Variants in ATP5F1A observed in about 807,000 individuals in gnomAD.
ATP5F1A encodes the protein ATP synthase F1 subunit alpha, also known as ATP synthase F(1) complex subunit alpha, mitochondrial.
ATP5F1A carries 24 observed loss-of-function variants against 57.4 expected under a neutral mutation model. The observed-to-expected ratio is 0.42, with a 90% confidence interval of 0.30 to 0.59. ATP5F1A has a LOEUF of 0.59. ATP5F1A is among the 20% of genes least tolerant of loss of function. The pLI is 0.19. For missense variants in ATP5F1A, 494 were observed against 707.9 expected (o/e 0.70, Z 3.43); for synonymous variants, 251 against 255.5 (o/e 0.98, Z 0.17).
intron 1 of ATP5F1A, chr18:46,097,805 G>C: frequency 9.4e-7 from 1 of 1,069,154 alleles, no homozygotes; most frequent in Non-Finnish European, 1.1e-6. Flanking sequence ...AGCGGGACGC[G>C]ACCCTAAGAA....
intron 10 of ATP5F1A, chr18:46,085,817 G>A (rs1054243420): frequency 7.5e-5 from 23 of 305,542 alleles, no homozygotes; most frequent in African/African-American, 2.2e-4. Context: ...CCTGTAATCC[G>A]AGCTACTAAG....
Position 46,082,227 on chromosome 18 carries a change from CA to C in ATP5F1A, c.*2054del, listed in dbSNP as rs34123568. The C allele has an allele frequency of 6.7e-4, 94 of 140,784 alleles. No homozygotes were observed. The highest frequency in any genetic ancestry group is 3.6e-3 in the Middle Eastern group (1 of 278). 8.7% of individuals were successfully genotyped at this position (140,784 alleles called of 1,614,324 possible). Reference sequence around the variant, plus strand: ...TGAAACCCCGTCTCTACTAAAAATACAAAAAAAAAAAAATTAGCTGGGCGTG... The same window carrying C: ...TGAAACCCCGTCTCTACTAAAAATACAAAAAAAAAAAATTAGCTGGGCGTG... On this transcript the variant is annotated 3_prime_UTR_variant, in exon 12 of 12. Transcript: ENST00000398752.
At chr18:46,094,972 C>A in intron 2 of ATP5F1A, 81 bp downstream of exon 2, 3 of 1,437,674 alleles carry the variant, frequency 2.1e-6, no homozygotes, top group East Asian at 2.4e-5. Context: ...AAATGAAAAA[C>A]AACTCACCAC....
intron 1 of ATP5F1A, 71 bp downstream of exon 1, chr18:46,098,101 G>A (rs774271583): frequency 1.4e-5 from 22 of 1,524,208 alleles, no homozygotes; most frequent in Non-Finnish European, 1.8e-5. Context: ...TGCAGAGAGC[G>A]CCCGAGCCGG....
chr18:46,086,813 C>G, intron 8 of ATP5F1A, 195 bp downstream of exon 8: 1 of 648,498 alleles, frequency 1.5e-6, no homozygotes, highest in East Asian at 2.7e-5. Flanking sequence ...AAACATGCTA[C>G]TCTATGCAAT....
intron 2 of ATP5F1A, among the ~76,000 whole-genome samples, chr18:46,092,613 A>C (rs1467806129): frequency 1.1e-5 from 1 of 93,968 alleles, no homozygotes; most frequent in Non-Finnish European, 2.4e-5. Context: ...CACACACACA[A>C]AAATTATATA....
At chr18:46,094,892 T>G (rs1039252776) in intron 2 of ATP5F1A, 161 bp downstream of exon 2, 2 of 1,132,550 alleles carry the variant, frequency 1.8e-6, no homozygotes, top group African/African-American at 3.2e-5. Flanking sequence ...AAGAGAACCA[T>G]GACAGGGCTA....
In ATP5F1A at chr18:46,080,476, T is replaced by A. The variant is rs1453473745; in HGVS notation, c.*3806A>T. On this transcript the variant is annotated 3_prime_UTR_variant, in exon 12 of 12. Transcript: ENST00000398752. The stretch of plus-strand genomic sequence containing the variant: ...GGTGCCTATGAGGTCTCCTATGTCA[T>A]TAGTCTGTAAGTACTTAGTAAAAAG... 1 of 152,230 alleles carries A rather than the reference T, an allele frequency of 6.6e-6. No individual in the cohort carries two copies. The highest frequency in any genetic ancestry group is 1.9e-4 in the East Asian group (1 of 5,202). 9.4% of individuals were successfully genotyped at this position (152,230 alleles called of 1,614,324 possible).
chr18:46,087,657 A>T (rs1288789119), intron 6 of ATP5F1A, 165 bp from the exon 7 acceptor site: 3 of 747,594 alleles, frequency 4.0e-6, no homozygotes, highest in Non-Finnish European at 6.4e-6. Context: ...TAGGCGGGTG[A>T]TCACCTGAGG....
chr18:46,094,470 C>T (rs565667579), intron 2 of ATP5F1A, among the ~76,000 whole-genome samples: 1 of 152,194 alleles, frequency 6.6e-6, no homozygotes, highest in South Asian at 2.1e-4. Context: ...AGATCGAGAC[C>T]ATCCTGGCCA....
rs566710356 is a variant in ATP5F1A, at chr18:46,081,180, C to T, written c.*3102G>A. The T allele has an allele frequency of 6.3e-5, 9 of 143,502 alleles. No individual in the cohort carries two copies. Among genetic ancestry groups the T allele is most frequent in the African/African-American group, 1.8e-4 (7 of 38,888 alleles). 8.9% of individuals were successfully genotyped at this position (143,502 alleles called of 1,614,324 possible). Reference sequence around the variant, plus strand: ...CTCATCAGACCAGACCAGTAGTTAACATTTGGAATTTGATTTATAATGGAC... The same window carrying T: ...CTCATCAGACCAGACCAGTAGTTAATATTTGGAATTTGATTTATAATGGAC... On this transcript the variant is annotated 3_prime_UTR_variant, in exon 12 of 12. Coordinates refer to ENST00000398752, the MANE Select transcript of ATP5F1A (RefSeq NM_004046.6).
chr18:46,095,283 T>C (rs1910859271), intron 1 of ATP5F1A, 152 bp from the exon 2 acceptor site: 2 of 667,192 alleles, frequency 3.0e-6, no homozygotes, highest in Non-Finnish European at 5.0e-6. Flanking sequence ...AATGGGAAAG[T>C]AGCTTTTGAT....
At chr18:46,102,952 TA>T (rs1911323718), upstream of ATP5F1A, among the ~76,000 whole-genome samples, 2 of 151,844 alleles carry the variant, frequency 1.3e-5, no homozygotes, top group Admixed American at 6.6e-5. Context: ...TCTCTAAAAA[TA>T]AAATAAAATA....
chr18:46,089,404 G>T, intron 5 of ATP5F1A, 162 bp downstream of exon 5: 1 of 785,318 alleles, frequency 1.3e-6, no homozygotes, highest in South Asian at 1.8e-5. Flanking sequence ...ACCCACAGGT[G>T]TGGAGGGGCT....
chr18:46,095,765 C>A (rs1910901437), intron 1 of ATP5F1A, among the ~76,000 whole-genome samples: 1 of 151,876 alleles, frequency 6.6e-6, no homozygotes, highest in African/African-American at 2.4e-5. Context: ...CACAGGAGTG[C>A]GCCACCTGGC....
In ATP5F1A at chr18:46,086,466, T is replaced by C. The variant is rs776829339; in HGVS notation, c.1205A>G (p.Lys402Arg). The change falls in exon 9 of 12, where the codon AAA (lysine) becomes AGA (arginine). Residue 402 changes from lysine to arginine, a missense_variant. Physicochemically the swap from Lys to Arg is conservative, Grantham distance 26. Around this residue, in one of 6 missense-constraint regions of ATP5F1A, gnomAD observed 127 missense variants for 195.2 expected, o/e 0.65. Coordinates refer to ENST00000398752, the MANE Select transcript of ATP5F1A (RefSeq NM_004046.6). ...AACGTTAATTGCAGGGCGGATACCT[T>C]TGTAGAACAATTCTGTTTCCAAGAA... Reference protein sequence around the residue: ...QIFLETELFYKGIRPAINVGL... With the variant: ...QIFLETELFYRGIRPAINVGL... 5.6e-6 allele frequency: 9 copies of C among 1,614,140 alleles called. No homozygotes were observed. Among genetic ancestry groups the C allele is most frequent in the Admixed American group, 3.3e-5 (2 of 59,980 alleles).
chr18:46,090,015 T>G lies in ATP5F1A; in HGVS notation c.310-19A>C. ...ACATACCCTGCACAAAAGACACAAT[T>G]GAACATCAATGAAGCTGAATGGGCA... is the stretch of plus-strand genomic sequence containing the variant. On this transcript the variant is annotated intron_variant, in intron 3 of 11. Transcript: ENST00000398752. The G allele has an allele frequency of 1.4e-6, 2 of 1,473,150 alleles. No individual in the cohort carries two copies. The highest frequency in any genetic ancestry group is 1.8e-6 in the Non-Finnish European group (2 of 1,112,828). The allele number at this position is 1,473,150 out of a possible 1,614,324, so 91.3% of individuals were successfully genotyped here. A position where few individuals can be genotyped will look rare whatever the true frequency, so the allele number is the denominator to read the frequency against.
In ATP5F1A at chr18:46,084,643, T is replaced by C. The variant is rs1367923385; in HGVS notation, c.1441A>G (p.Ile481Val). The change falls in exon 11 of 12, where the codon ATT becomes GTT. Residue 481 changes from isoleucine (I) to valine (V), a missense_variant. By Grantham distance (29) the Ile-to-Val change is conservative (BLOSUM62 3). Transcript: ENST00000398752. Reference sequence around the variant, plus strand: ...TAGATAACAGCCACTTGTTCTTCAATAGCCATGGGAGCTGAAAAGATACAA... The same window carrying C: ...TAGATAACAGCCACTTGTTCTTCAACAGCCATGGGAGCTGAAAAGATACAA... ...LKQGQYSPMAIEEQVAVIYAG... is the reference protein window; with the variant it reads ...LKQGQYSPMAVEEQVAVIYAG... 4 of 1,580,550 alleles carry C rather than the reference T, an allele frequency of 2.5e-6. No individual in the cohort carries two copies. The highest frequency in any genetic ancestry group is 2.6e-6 in the Non-Finnish European group (3 of 1,169,460).
chr18:46,086,801 C>G, intron 8 of ATP5F1A: 4 of 632,464 alleles, frequency 6.3e-6, no homozygotes, highest in Non-Finnish European at 1.1e-5. Context: ...GAAACTAGAA[C>G]GAAACATGCT....
Sources: gnomAD v4.1 joint callset for allele counts (sites outside exome capture counted in the v4.1 genomes callset) on GRCh38, gnomAD v4.1.1 for gene constraint, gnomAD v4.1.1 regional missense constraint, MANE v1.5 for transcripts, NCBI Gene and HGNC (gene_info 2026-07-23, HGNC 2026-07-21) for gene names.